CDH2: variants seen among roughly 807,000 people sequenced by gnomAD.
CDH2 encodes cadherin 2.
A neutral mutation model predicts 92.0 loss-of-function variants in CDH2; 17 were observed. The ratio of observed to expected loss-of-function variants is 0.18; its 90% CI spans 0.13 to 0.28. The LOEUF (loss-of-function observed/expected upper bound fraction) is 0.28, where lower values mean the gene tolerates loss of function less well. Ranked by LOEUF, CDH2 falls within the 10% of genes least tolerant of loss-of-function variation. CDH2 has a pLI of 1.00. For synonymous variants in CDH2, 419 were observed against 415.9 expected, an observed-to-expected ratio of 1.01 and a Z score of -0.09; for missense variants, 862 against 1,133.1, an observed-to-expected ratio of 0.76 and a Z score of 3.44.
At chr18:27,962,400 A>G (rs985841511) in intron 15 of CDH2, among the ~76,000 whole-genome samples, 4 of 152,214 alleles carry the variant, frequency 2.6e-5, no homozygotes, top group African/African-American at 4.8e-5. Context: ...AACTTTTTCT[A>G]CAAGCAATAA....
At chr18:28,049,046 T>A (rs1050567500) in intron 2 of CDH2, among the ~76,000 whole-genome samples, 1 of 152,140 alleles carries the variant, frequency 6.6e-6, no homozygotes, top group Non-Finnish European at 1.5e-5. Flanking sequence ...TAACTGATAC[T>A]CCCAGTTATT....
At chr18:28,069,612 A>G (rs892162650) in intron 2 of CDH2, among the ~76,000 whole-genome samples, 1 of 152,114 alleles carries the variant, frequency 6.6e-6, no homozygotes, top group Non-Finnish European at 1.5e-5. Flanking sequence ...AACATTTACT[A>G]TCTCATCTAT....
intron 14 of CDH2, among the ~76,000 whole-genome samples, chr18:27,966,416 G>A (rs1010579822): frequency 6.6e-6 from 1 of 152,188 alleles, no homozygotes; most frequent in Admixed American, 6.6e-5. Flanking sequence ...AAAGAGGCAT[G>A]TGGGCTTTGC....
intron 1 of CDH2, among the ~76,000 whole-genome samples, chr18:28,165,994 T>G (rs895097746): frequency 3.6e-4 from 54 of 151,122 alleles, no homozygotes; most frequent in African/African-American, 1.3e-3. Context: ...CATAGAAAAG[T>G]AAATTTCAGG....
chr18:28,132,812 A>G (rs948773442), intron 2 of CDH2, among the ~76,000 whole-genome samples: 1 of 152,190 alleles, frequency 6.6e-6, no homozygotes, highest in African/African-American at 2.4e-5. Flanking sequence ...CTTCATCCTT[A>G]TCATCCTCTC....
At chr18:28,171,674 G>T (rs932445250) in intron 1 of CDH2, among the ~76,000 whole-genome samples, 1 of 151,978 alleles carries the variant, frequency 6.6e-6, no homozygotes, top group Admixed American at 6.6e-5. Context: ...TTACATTTTC[G>T]GCTGAAAAAA....
intron 2 of CDH2, among the ~76,000 whole-genome samples, chr18:28,017,074 T>G (rs1399126742): frequency 6.6e-6 from 1 of 152,140 alleles, no homozygotes; most frequent in Non-Finnish European, 1.5e-5. Context: ...TGCTCTGTTG[T>G]AGTTTTTTGT....
chr18:27,988,621 A>G lies in CDH2; in HGVS notation c.1644T>C (p.Pro548=). 1 of 1,609,234 alleles carries G rather than the reference A, an allele frequency of 6.2e-7. No individual in the cohort carries two copies. Among genetic ancestry groups the G allele is most frequent in the Non-Finnish European group, 8.5e-7 (1 of 1,175,660 alleles). Residue 548 remains proline, a synonymous_variant, in exon 11 of 16, where the codon CCT becomes CCC. Coordinates refer to ENST00000269141, the MANE Select transcript of CDH2 (RefSeq NM_001792.5). ...SDPANWLKID[P]VNGQITTIAV... ...CAATTGTAGTTATTTGTCCATTCAC[A>G]GGATCTATTTTTAGCCAATTGGCAG...
At chr18:28,076,751 T>C (rs934580549) in intron 2 of CDH2, among the ~76,000 whole-genome samples, 3 of 143,926 alleles carry the variant, frequency 2.1e-5, no homozygotes, top group African/African-American at 7.7e-5. Context: ...CCAAGTGTTC[T>C]CACTGTTCAA....
intron 2 of CDH2, among the ~76,000 whole-genome samples, chr18:28,031,537 C>T (rs1176077635): frequency 6.6e-6 from 1 of 152,124 alleles, no homozygotes; most frequent in Non-Finnish European, 1.5e-5. Context: ...CCTTTAACCT[C>T]ATCCTTCTTT....
Position 28,049,832 on chromosome 18 carries a change from A to C in CDH2, c.173-35923T>G, listed in dbSNP as rs572477629. 2.6e-5 allele frequency among the ~76,000 whole-genome samples: 4 copies of C among 152,374 alleles called. No homozygotes were observed. In the South Asian group the frequency reaches 8.3e-4, roughly 32 times the overall value. On this transcript the variant is annotated intron_variant, in intron 2 of 15. Transcript: ENST00000269141. ...TAAATAGTTTAGATTACTGCATAGC[A>C]AATAGTCACTACCCTCTTACTGCCA...
chr18:28,039,236 T>C (rs912264176), intron 2 of CDH2, among the ~76,000 whole-genome samples: 1 of 152,150 alleles, frequency 6.6e-6, no homozygotes, highest in African/African-American at 2.4e-5. Flanking sequence ...TCCACATTTC[T>C]GACGTCTCAG....
At chr18:28,025,639 T>A (rs1210613517) in intron 2 of CDH2, among the ~76,000 whole-genome samples, 6 of 151,396 alleles carry the variant, frequency 4.0e-5, no homozygotes, top group African/African-American at 1.5e-4. Context: ...TAATTATACA[T>A]ACTTATAGGG....
chr18:28,074,742 T>G (rs2014687109), intron 2 of CDH2, among the ~76,000 whole-genome samples: 1 of 151,736 alleles, frequency 6.6e-6, no homozygotes, highest in South Asian at 2.1e-4. Flanking sequence ...GTTGAACAGC[T>G]TTCTCCATCT....
downstream of CDH2, among the ~76,000 whole-genome samples, chr18:27,946,173 G>T (rs775778957): frequency 1.1e-4 from 16 of 152,010 alleles, no homozygotes; most frequent in Admixed American, 6.6e-5. Flanking sequence ...TTCAAGAACT[G>T]ATAAACCAAA....
chr18:28,036,846 G>A (rs1206793112), intron 2 of CDH2, among the ~76,000 whole-genome samples: 1 of 152,060 alleles, frequency 6.6e-6, no homozygotes, highest in Non-Finnish European at 1.5e-5. Context: ...TACAACGTAA[G>A]AATAAACTTT....
chr18:27,983,269 G>C (rs963618457), intron 13 of CDH2, among the ~76,000 whole-genome samples, 186 bp from the exon 14 acceptor site: 3 of 152,150 alleles, frequency 2.0e-5, no homozygotes, highest in African/African-American at 7.2e-5. Flanking sequence ...AAAGCACTGG[G>C]TTTAGAGTAT....
chr18:28,007,165 A>AAAAAAAATATATAT (rs1172779200), intron 5 of CDH2, among the ~76,000 whole-genome samples: 4 of 110,500 alleles, frequency 3.6e-5, no homozygotes, highest in African/African-American at 1.8e-4. Flanking sequence ...ATAAAAAAAA[A>AAAAAAAATATATAT]ATATATATAT....
chr18:28,074,484 G>A (rs1452026481), intron 2 of CDH2, among the ~76,000 whole-genome samples: 1 of 152,054 alleles, frequency 6.6e-6, no homozygotes, highest in Non-Finnish European at 1.5e-5. Flanking sequence ...GACCTCAAGT[G>A]ATCCACCCGC....
Sources: gnomAD v4.1 joint callset for allele counts (sites outside exome capture counted in the v4.1 genomes callset) on GRCh38, gnomAD v4.1.1 for gene constraint, MANE v1.5 for transcripts, NCBI Gene and HGNC (gene_info 2026-07-23, HGNC 2026-07-21) for gene names.